ELAVL4: variants seen among roughly 807,000 people sequenced by gnomAD.
ELAVL4 encodes ELAV-like protein 4.
A neutral mutation model predicts 35.6 loss-of-function variants in ELAVL4; 1 was observed. That is an observed-to-expected ratio of 0.03 (90% CI 0.01 to 0.13). The LOEUF is 0.13. ELAVL4 is among the 10% of genes least tolerant of loss of function. The pLI is 1.00. For missense variants in ELAVL4, 267 were observed against 464.9 expected, an observed-to-expected ratio of 0.57 and a Z score of 3.91; for synonymous variants, 156 against 171.0, an observed-to-expected ratio of 0.91 and a Z score of 0.69.
intron 1 of ELAVL4, among the ~76,000 whole-genome samples, chr1:50,134,561 T>C (rs531355498): frequency 6.6e-6 from 1 of 152,244 alleles, no homozygotes; most frequent in South Asian, 2.1e-4. Context: ...TTCTTTTTAT[T>C]AGAGCTGATA....
At chr1:50,097,883 G>T (rs1267698310) in intron 1 of ELAVL4, among the ~76,000 whole-genome samples, 1 of 152,148 alleles carries the variant, frequency 6.6e-6, no homozygotes, top group African/African-American at 2.4e-5. Flanking sequence ...CTAAGTCCTT[G>T]TGTGTTTTGT....
chr1:50,064,704 C>G (rs1664175817), intron 1 of ELAVL4, among the ~76,000 whole-genome samples: 1 of 152,194 alleles, frequency 6.6e-6, no homozygotes, highest in African/African-American at 2.4e-5. Flanking sequence ...ATTTCCCATC[C>G]TATTATCCCT....
At chr1:50,110,795 T>C (rs1166838535) in intron 1 of ELAVL4, among the ~76,000 whole-genome samples, 1 of 152,192 alleles carries the variant, frequency 6.6e-6, no homozygotes, top group African/African-American at 2.4e-5. Flanking sequence ...AGGATTGCCT[T>C]TGTCTGGCTG....
chr1:50,063,999 G>T (rs1422884227), intron 1 of ELAVL4, among the ~76,000 whole-genome samples: 1 of 152,136 alleles, frequency 6.6e-6, no homozygotes, highest in African/African-American at 2.4e-5. Context: ...AAGAGGGAAG[G>T]CAGGATTGAG....
intron 1 of ELAVL4, among the ~76,000 whole-genome samples, chr1:50,111,491 A>G (rs908139947): frequency 2.0e-5 from 3 of 152,074 alleles, no homozygotes; most frequent in Non-Finnish European, 2.9e-5. Flanking sequence ...TGATTTTGGT[A>G]TTTTTACTAA....
chr1:50,153,215 T>A (rs1275723481), intron 2 of ELAVL4, among the ~76,000 whole-genome samples: 2 of 152,234 alleles, frequency 1.3e-5, no homozygotes, highest in African/African-American at 4.8e-5. Context: ...CAATCTTACT[T>A]TTCCTTGGTC....
intron 1 of ELAVL4, among the ~76,000 whole-genome samples, chr1:50,087,839 T>C (rs1665319385): frequency 6.6e-6 from 1 of 152,218 alleles, no homozygotes; most frequent in South Asian, 2.1e-4. Flanking sequence ...CCAACCATGC[T>C]GGCACCCTTA....
At chr1:50,186,515 A>G (rs749329156) in intron 3 of ELAVL4, among the ~76,000 whole-genome samples, 2 of 152,074 alleles carry the variant, frequency 1.3e-5, no homozygotes, top group African/African-American at 2.4e-5. Context: ...GTCAAAGGAG[A>G]GGAGAGTCAT....
At chr1:50,053,788 T>C (rs1463363633) in intron 1 of ELAVL4, among the ~76,000 whole-genome samples, 2 of 151,982 alleles carry the variant, frequency 1.3e-5, no homozygotes, top group East Asian at 1.9e-4. Flanking sequence ...AATCAAGAAG[T>C]GCGTCATAGA....
At chr1:50,104,872 G>A (rs1031161174), upstream of ELAVL4, among the ~76,000 whole-genome samples, 2 of 152,174 alleles carry the variant, frequency 1.3e-5, no homozygotes, top group African/African-American at 4.8e-5. Flanking sequence ...CTTGGCAGAG[G>A]AGCAGATTAA....
chr1:50,079,166 A>T (rs1664893129), intron 1 of ELAVL4, among the ~76,000 whole-genome samples: 1 of 152,072 alleles, frequency 6.6e-6, no homozygotes, highest in Non-Finnish European at 1.5e-5. Flanking sequence ...GGCCCAAGAG[A>T]TCCTCCTGCC....
At chr1:50,197,803 A>G (rs1010698824) in intron 6 of ELAVL4, among the ~76,000 whole-genome samples, 3 of 152,236 alleles carry the variant, frequency 2.0e-5, no homozygotes, top group Non-Finnish European at 2.9e-5. Flanking sequence ...TGGTTTTGCA[A>G]ACTTGCAGAG....
intron 3 of ELAVL4, among the ~76,000 whole-genome samples, chr1:50,181,845 G>T (rs184848941): frequency 6.6e-6 from 1 of 152,090 alleles, no homozygotes; most frequent in Non-Finnish European, 1.5e-5. Context: ...TACCACGCCC[G>T]GCTAATTTTG....
chr1:50,194,023 C>A (rs1314842334), intron 4 of ELAVL4, 105 bp downstream of exon 4: 1 of 1,329,008 alleles, frequency 7.5e-7, no homozygotes, highest in Admixed American at 2.6e-5. Context: ...TGATATGGAT[C>A]ATGAATAGAC....
At chr1:50,068,073 A>G (rs1370251256) in intron 1 of ELAVL4, among the ~76,000 whole-genome samples, 1 of 152,180 alleles carries the variant, frequency 6.6e-6, no homozygotes, top group Non-Finnish European at 1.5e-5. Flanking sequence ...GCCAAACCAT[A>G]TCACTTATAA....
At chr1:50,093,728 T>C (rs1005039703) in intron 1 of ELAVL4, among the ~76,000 whole-genome samples, 2 of 152,206 alleles carry the variant, frequency 1.3e-5, no homozygotes, top group African/African-American at 4.8e-5. Flanking sequence ...TTATTGAATG[T>C]GATTCTATTC....
intron 1 of ELAVL4, among the ~76,000 whole-genome samples, chr1:50,050,466 A>C (rs775783121): frequency 6.6e-6 from 1 of 152,214 alleles, no homozygotes; most frequent in Admixed American, 6.5e-5. Flanking sequence ...ATTTGATTTT[A>C]TGTGCATTAT....
intron 1 of ELAVL4, among the ~76,000 whole-genome samples, chr1:50,135,717 T>C (rs933569937): frequency 3.3e-5 from 5 of 152,190 alleles, no homozygotes; most frequent in African/African-American, 1.2e-4. Flanking sequence ...TGCCCAAAGG[T>C]ATTATTAAGC....
chr1:50,195,712 C>T lies in ELAVL4; in HGVS notation c.660C>T (p.Ala220=), dbSNP rs1303234025. The T allele has an allele frequency of 1.9e-6, 3 of 1,614,026 alleles. No individual in the cohort carries two copies. The highest frequency in any genetic ancestry group is 2.5e-6 in the Non-Finnish European group (3 of 1,180,016). ...ACCCCAGCCAGAAGTCCAGCCAGGC[C>T]CTGCTCTCCCAGCTCTACCAGTCCC... ...ANNPSQKSSQ[A]LLSQLYQSPN... Residue 220 remains alanine (A), a synonymous_variant, in exon 5 of 7, where the codon GCC becomes GCT. Transcript: ENST00000371824.
Sources: allele counts gnomAD v4.1 joint callset (sites outside exome capture counted in the v4.1 genomes callset), GRCh38; gene constraint gnomAD v4.1.1; transcripts MANE v1.5; gene names NCBI Gene and HGNC (gene_info 2026-07-23, HGNC 2026-07-21).